SPECC1L: variants seen among roughly 807,000 people sequenced by gnomAD.
SPECC1L encodes the protein cytospin-A.
A neutral mutation model predicts 116.8 loss-of-function variants in SPECC1L; 40 were observed. The ratio of observed to expected loss-of-function variants is 0.34; its 90% CI spans 0.27 to 0.45. The LOEUF (loss-of-function observed/expected upper bound fraction) is 0.45. Among genes scored for constraint, SPECC1L ranks in the 20% least tolerant of loss-of-function variants. The pLI is 1.00. For synonymous variants in SPECC1L, 504 were observed against 500.6 expected, an observed-to-expected ratio of 1.01 and a Z score of -0.09; for missense variants, 1,110 against 1,373.6, an observed-to-expected ratio of 0.81 and a Z score of 3.03.
intron 1 of SPECC1L, among the ~76,000 whole-genome samples, chr22:24,272,678 A>AC (rs2048752865): frequency 6.6e-6 from 1 of 152,078 alleles, no homozygotes; most frequent in African/African-American, 2.4e-5. Context: ...AAAAAAAAAA[A>AC]AAACAGCTAT....
chr22:24,380,580 C>T (rs1351423339), intron 14 of SPECC1L, among the ~76,000 whole-genome samples: 1 of 152,240 alleles, frequency 6.6e-6, no homozygotes, highest in African/African-American at 2.4e-5. Flanking sequence ...ACTGTAATTT[C>T]ATTAAGCATC....
At chr22:24,346,297 G>A (rs1004348145) in intron 10 of SPECC1L, among the ~76,000 whole-genome samples, 15 of 152,156 alleles carry the variant, frequency 9.9e-5, no homozygotes, top group Admixed American at 5.2e-4. Flanking sequence ...GAGCCACTGC[G>A]CCTGGCCGTG....
intron 11 of SPECC1L, among the ~76,000 whole-genome samples, chr22:24,353,034 C>G (rs901254304): frequency 1.3e-5 from 2 of 152,168 alleles, no homozygotes; most frequent in African/African-American, 4.8e-5. Context: ...CTGTGTGTTT[C>G]CTTTTGAAAT....
chr22:24,282,817 ACC>A (rs2048969683), intron 2 of SPECC1L, among the ~76,000 whole-genome samples: 1 of 149,110 alleles, frequency 6.7e-6, no homozygotes, highest in Non-Finnish European at 1.5e-5. Flanking sequence ...GCACCCTGTC[ACC>A]CAGGCTGGAG....
intron 3 of SPECC1L, 30 bp from the exon 4 acceptor site, chr22:24,313,283 A>G: frequency 6.2e-7 from 1 of 1,612,682 alleles, no homozygotes; most frequent in Non-Finnish European, 8.5e-7. Flanking sequence ...TTGATCTAGT[A>G]AATTTGTTTT....
At chr22:24,413,095 C>G (rs752667048) in intron 16 of SPECC1L, among the ~76,000 whole-genome samples, 3 of 152,202 alleles carry the variant, frequency 2.0e-5, no homozygotes, top group Non-Finnish European at 4.4e-5. Context: ...ACCAGCAGGT[C>G]CATCTGCCTT....
intron 14 of SPECC1L, among the ~76,000 whole-genome samples, chr22:24,405,622 C>A (rs181715966): frequency 6.6e-6 from 1 of 152,174 alleles, no homozygotes; most frequent in African/African-American, 2.4e-5. Context: ...GACAGATCAC[C>A]TGAGGTCAGG....
At chr22:24,329,441 A>G (rs967570071) in intron 7 of SPECC1L, among the ~76,000 whole-genome samples, 2 of 152,264 alleles carry the variant, frequency 1.3e-5, no homozygotes, top group African/African-American at 4.8e-5. Flanking sequence ...CTGTTTTCAT[A>G]CAAGTTTTCT....
chr22:24,313,804 T>C (rs186499942), intron 4 of SPECC1L, among the ~76,000 whole-genome samples: 15 of 150,524 alleles, frequency 1.0e-4, no homozygotes, highest in African/African-American at 3.7e-4. Flanking sequence ...AATGGTGCCA[T>C]CTTGGCTCAC....
At chr22:24,325,977 G>A (rs2040813774) in intron 6 of SPECC1L, among the ~76,000 whole-genome samples, 1 of 152,026 alleles carries the variant, frequency 6.6e-6, no homozygotes, top group South Asian at 2.1e-4. Flanking sequence ...TTTTGGGATG[G>A]AGTTTCATTC....
Position 24,324,447 on chromosome 22 carries a change from C to A in SPECC1L, c.2146+20C>A. 6.2e-7 allele frequency: 1 copy of A among 1,600,520 alleles called. No individual in the cohort carries two copies. The highest frequency in any genetic ancestry group is 1.1e-5 in the South Asian group (1 of 90,568). On this transcript the variant is annotated intron_variant, in intron 6 of 16. Coordinates refer to ENST00000314328, the MANE Select transcript of SPECC1L (RefSeq NM_015330.6). The stretch of plus-strand genomic sequence containing the variant: ...TAGAGAGTAAGTGATAAGAACTTTT[C>A]ATTCTTTTTTGTCCTACTCTTTTAA...
intron 14 of SPECC1L, among the ~76,000 whole-genome samples, chr22:24,402,257 AGAGG>A (rs1340412457): frequency 1.3e-5 from 2 of 151,920 alleles, no homozygotes; most frequent in African/African-American, 4.8e-5. Flanking sequence ...ATCAGCAGCT[AGAGG>A]GCCTGGCCAG....
In SPECC1L at chr22:24,322,914, C is replaced by T. The variant is rs1380522694; in HGVS notation, c.1934C>T (p.Ala645Val). 2 of 1,613,860 alleles carry T rather than the reference C, an allele frequency of 1.2e-6. No homozygotes were observed. The highest frequency in any genetic ancestry group is 8.5e-7 in the Non-Finnish European group (1 of 1,179,852). The change falls in exon 5 of 17, where the codon GCT becomes GTT. Residue 645 changes from alanine to valine, a missense_variant. Physicochemically the swap from Ala to Val is moderately conservative, Grantham distance 64. Transcript: ENST00000314328. ...NDANRLQDAI[A>V]KVEDEYRAFQ... ...GCCAATCGATTACAGGATGCCATTG[C>T]TAAGGTATTGTTTAAATAGATTAAA...
intron 3 of SPECC1L, among the ~76,000 whole-genome samples, chr22:24,305,209 A>G (rs1427329225): frequency 6.6e-6 from 1 of 152,230 alleles, no homozygotes; most frequent in Non-Finnish European, 1.5e-5. Flanking sequence ...CAAAGTCCAC[A>G]AAACACAGGT....
chr22:24,380,013 G>A (rs1236183445), intron 14 of SPECC1L, among the ~76,000 whole-genome samples: 1 of 152,116 alleles, frequency 6.6e-6, no homozygotes, highest in African/African-American at 2.4e-5. Context: ...TGGGATTACA[G>A]GCACCTGCCA....
intron 10 of SPECC1L, among the ~76,000 whole-genome samples, chr22:24,344,889 TAGAA>T (rs2041258576): frequency 6.6e-6 from 1 of 152,162 alleles, no homozygotes. Flanking sequence ...ATTGAATAAA[TAGAA>T]AGTGATGTCA....
At chr22:24,404,304 G>A (rs5751861) in intron 14 of SPECC1L, among the ~76,000 whole-genome samples, 3,804 of 152,238 alleles carry the variant, frequency 0.025, 153 homozygotes, top group South Asian at 0.12. Context: ...CGATGATGCC[G>A]CACTTTCTGT....
intron 14 of SPECC1L, among the ~76,000 whole-genome samples, chr22:24,381,286 A>G (rs1435799786): frequency 1.3e-5 from 2 of 152,238 alleles, no homozygotes; most frequent in African/African-American, 4.8e-5. Flanking sequence ...ATAAAATGCT[A>G]GACCTAGAAA....
chr22:24,308,826 T>G (rs748341682), intron 3 of SPECC1L, among the ~76,000 whole-genome samples: 1 of 152,220 alleles, frequency 6.6e-6, no homozygotes, highest in Admixed American at 6.5e-5. Context: ...TTCCCTTGGT[T>G]TATATATTCA....
Sources: allele counts gnomAD v4.1 joint callset (sites outside exome capture counted in the v4.1 genomes callset), GRCh38; gene constraint gnomAD v4.1.1; transcripts MANE v1.5; gene names NCBI Gene and HGNC (gene_info 2026-07-23, HGNC 2026-07-21).